Variants in POM121 observed in about 807,000 individuals in gnomAD.
POM121 encodes the protein POM121 transmembrane nucleoporin.
POM121 carries 32 observed loss-of-function variants against 81.3 expected under a neutral mutation model. That is an observed-to-expected ratio of 0.39 (90% CI 0.30 to 0.53). The LOEUF is 0.53. Among genes scored for constraint, POM121 ranks in the 20% least tolerant of loss-of-function variants. The pLI is 0.66. For synonymous variants in POM121, 514 were observed against 694.2 expected, an observed-to-expected ratio of 0.74 and a Z score of 4.08; for missense variants, 1,138 against 1,614.6, an observed-to-expected ratio of 0.70 and a Z score of 5.06.
exon 1 of POM121, chr7:72,879,826 A>C (rs1301925148): frequency 2.4e-5 from 12 of 505,686 alleles, no homozygotes; most frequent in Non-Finnish European, 3.9e-5. Flanking sequence ...CGCGCCAGCG[A>C]CAGCAGCCCG....
At chr7:72,911,981 TC>T (rs1384853928) in intron 3 of POM121, among the ~76,000 whole-genome samples, 1 of 152,216 alleles carries the variant, frequency 6.6e-6, no homozygotes, top group Non-Finnish European at 1.5e-5. Flanking sequence ...AGCGTTGACT[TC>T]CTGGGTTCAA....
chr7:72,882,105 A>G (rs1790216160), intron 1 of POM121, among the ~76,000 whole-genome samples: 2 of 152,216 alleles, frequency 1.3e-5, no homozygotes, highest in African/African-American at 2.4e-5. Context: ...GTCATCACAA[A>G]AGGAAAATGC....
Position 72,942,698 on chromosome 7 carries a change from C to A in POM121, c.2705C>A (p.Ser902Tyr), listed in dbSNP as rs1797211897. The change falls in exon 11 of 13, where the codon TCC becomes TAC. Residue 902 changes from serine (S) to tyrosine (Y), a missense_variant. Around this residue, in one of 7 missense-constraint regions of POM121, gnomAD observed 25 missense variants for 229.8 expected, o/e 0.11. Coordinates refer to ENST00000434423, the MANE Select transcript of POM121 (RefSeq NM_001387691.1). The stretch of plus-strand genomic sequence containing the variant: ...ACCACAGTCACCACCTTCAGCCAGT[C>A]CCTGCACACTGCCGTGCCAACGGCC... ...TTTTVTTFSQ[S>Y]LHTAVPTATS... 7.0e-7 allele frequency: 1 copy of A among 1,423,614 alleles called. No individual in the cohort carries two copies. The highest frequency in any genetic ancestry group is 1.3e-5 in the South Asian group (1 of 75,102). The allele number at this position is 1,423,614 out of a possible 1,614,324, so 88.2% of individuals were successfully genotyped here. A position where few individuals can be genotyped will look rare whatever the true frequency, so the allele number is the denominator to read the frequency against.
intron 4 of POM121, 113 bp from the exon 5 acceptor site, chr7:72,929,827 A>G (rs1489669811): frequency 5.1e-6 from 7 of 1,367,868 alleles, no homozygotes; most frequent in Middle Eastern, 2.7e-4. Context: ...AGTAAAAATT[A>G]AAAGCATTAT....
intron 3 of POM121, among the ~76,000 whole-genome samples, chr7:72,907,787 A>G (rs1554493662): frequency 6.6e-6 from 1 of 152,226 alleles, no homozygotes; most frequent in Non-Finnish European, 1.5e-5. Flanking sequence ...CTGATATTAC[A>G]GGCGTGAGCC....
At chr7:72,905,026 G>C (rs2129575849) in intron 3 of POM121, among the ~76,000 whole-genome samples, 1 of 152,276 alleles carries the variant, frequency 6.6e-6, no homozygotes, top group Non-Finnish European at 1.5e-5. Context: ...TACAATTCAG[G>C]ATGAGATGTG....
chr7:72,901,218 CT>C (rs781884870), intron 3 of POM121, among the ~76,000 whole-genome samples: 381 of 138,940 alleles, frequency 2.7e-3, no homozygotes, highest in Middle Eastern at 3.7e-3. Context: ...TTCTTTTTTT[CT>C]TTTTTTTTTT....
At chr7:72,932,704 C>T (rs1796137032) in intron 5 of POM121, among the ~76,000 whole-genome samples, 1 of 152,198 alleles carries the variant, frequency 6.6e-6, no homozygotes, top group African/African-American at 2.4e-5. Context: ...TCCATGGCCT[C>T]ACCAGCAGAT....
chr7:72,893,241 G>A (rs1196281602), intron 3 of POM121, among the ~76,000 whole-genome samples: 4 of 152,026 alleles, frequency 2.6e-5, no homozygotes, highest in African/African-American at 9.7e-5. Flanking sequence ...TTACAGGCGT[G>A]AGCCACTGCA....
At chr7:72,893,781 A>G (rs1254596857) in intron 3 of POM121, among the ~76,000 whole-genome samples, 3 of 152,148 alleles carry the variant, frequency 2.0e-5, no homozygotes, top group Non-Finnish European at 4.4e-5. Context: ...TGCTTTCGCC[A>G]TCTTCATCCC....
At chr7:72,888,050 G>T (rs1434784349) in intron 1 of POM121, among the ~76,000 whole-genome samples, 3 of 152,044 alleles carry the variant, frequency 2.0e-5, no homozygotes, top group African/African-American at 4.8e-5. Context: ...TCTTTGTAGA[G>T]ACAGGGTCTT....
chr7:72,924,980 C>T, upstream of POM121: 1 of 1,311,786 alleles, frequency 7.6e-7, no homozygotes, highest in Non-Finnish European at 9.7e-7. Flanking sequence ...CGGCATTTTC[C>T]AAACCAGTTG....
In POM121 at chr7:72,926,387, C is replaced by A. The variant is rs782680852; in HGVS notation, c.770C>A (p.Ala257Asp). ...TGCTGGAATGGTTATCACAAGAAGG[C>A]TGTGCTGTCCCCTCGCAACTCCAGG... The part of the protein sequence containing the change: ...TVCWNGYHKK[A>D]VLSPRNSRMV... Residue 257 changes from alanine (A) to aspartate (D), a missense_variant, in exon 2 of 13, where the codon GCT becomes GAT. By Grantham distance (126) the Ala-to-Asp change is moderately radical (BLOSUM62 -2). Transcript: ENST00000434423. 6.2e-7 allele frequency: 1 copy of A among 1,614,002 alleles called. No individual in the cohort carries two copies. The highest frequency in any genetic ancestry group is 8.5e-7 in the Non-Finnish European group (1 of 1,179,878).
intron 3 of POM121, among the ~76,000 whole-genome samples, chr7:72,903,858 T>C (rs1201295354): frequency 1.3e-5 from 2 of 152,240 alleles, no homozygotes; most frequent in African/African-American, 4.8e-5. Flanking sequence ...CTCGGCTCAC[T>C]GCAGCCTCTG....
intron 3 of POM121, among the ~76,000 whole-genome samples, chr7:72,902,923 T>G (rs1554492907): frequency 1.3e-5 from 2 of 152,202 alleles, no homozygotes; most frequent in Non-Finnish European, 1.5e-5. Flanking sequence ...CATCGTTTCT[T>G]TTAGCTTTTT....
chr7:72,880,577 A>G (rs1314060401), intron 1 of POM121, among the ~76,000 whole-genome samples: 6 of 152,064 alleles, frequency 3.9e-5, no homozygotes, highest in Admixed American at 2.0e-4. Context: ...TTTTATTTTA[A>G]GCAGTTTAAA....
chr7:72,926,576 C>T (rs1795470076), intron 2 of POM121, 99 bp downstream of exon 2: 5 of 1,558,494 alleles, frequency 3.2e-6, no homozygotes, highest in Non-Finnish European at 3.5e-6. Context: ...AAAGAAAGGA[C>T]GAAGCTGCTT....
intron 5 of POM121, among the ~76,000 whole-genome samples, chr7:72,935,618 T>C (rs554235388): frequency 6.6e-6 from 1 of 151,898 alleles, no homozygotes; most frequent in East Asian, 1.9e-4. Flanking sequence ...GTAGCTGAGA[T>C]TACAGGCACG....
chr7:72,949,153 T>G, downstream of POM121: 1 of 1,318,210 alleles, frequency 7.6e-7, no homozygotes, highest in Middle Eastern at 1.8e-4. Flanking sequence ...GCCTCAGTCC[T>G]GAAATCCTCG....
Sources: allele counts gnomAD v4.1 joint callset (sites outside exome capture counted in the v4.1 genomes callset), GRCh38; gene constraint gnomAD v4.1.1; regional missense constraint gnomAD v4.1.1; transcripts MANE v1.5; gene names NCBI Gene and HGNC (gene_info 2026-07-23, HGNC 2026-07-21).